The following FMO1 variants were observed in gnomAD, a reference collection of about 807,000 sequenced individuals.
The protein encoded by FMO1 is flavin-containing monooxygenase 1.
A neutral mutation model predicts 45.4 loss-of-function variants in FMO1; 36 were observed. The observed-to-expected ratio is 0.79, with a 90% CI of 0.61 to 1.05. The LOEUF (loss-of-function observed/expected upper bound fraction) is 1.05, where lower values mean the gene tolerates loss of function less well. Ranked by LOEUF, FMO1 falls within the 50% of genes least tolerant of loss-of-function variation. FMO1 has a pLI of 0.00. For missense variants in FMO1, 615 were observed against 640.3 expected (o/e 0.96, Z 0.43); for synonymous variants, 228 against 227.2 (o/e 1.00, Z -0.03).
At chr1:171,275,536 A>G (rs751880087) in intron 4 of FMO1, 28 bp downstream of exon 4, 3 of 1,566,834 alleles carry the variant, frequency 1.9e-6, no homozygotes, top group Non-Finnish European at 2.6e-6. Context: ...ACTAACTTTA[A>G]GTTTTCTCGT....
intron 5 of FMO1, among the ~76,000 whole-genome samples, chr1:171,280,425 T>C (rs1661302274): frequency 1.3e-5 from 2 of 152,220 alleles, no homozygotes. Context: ...ACAACTCTGA[T>C]ACTGCCATTC....
chr1:171,285,635 C>A lies in FMO1; in HGVS notation c.*91C>A. On this transcript the variant is annotated 3_prime_UTR_variant, in exon 9 of 9. Transcript: ENST00000617670. ...GCAATATTGCCTTCACAGTTATAAA[C>A]TGTATTCAAATAGTAAAGGCCACCC... is the stretch of plus-strand genomic sequence containing the variant. 1.3e-6 allele frequency: 1 copy of A among 793,684 alleles called. No individual in the cohort carries two copies. The allele number at this position is 793,684 out of a possible 1,614,324, so 49.2% of individuals were successfully genotyped here. A position where few individuals can be genotyped will look rare whatever the true frequency, so the allele number is the denominator to read the frequency against.
chr1:171,249,311 A>G (rs1659773278), intron 1 of FMO1, among the ~76,000 whole-genome samples: 4 of 152,136 alleles, frequency 2.6e-5, no homozygotes, highest in Admixed American at 1.3e-4. Flanking sequence ...GCAGATGGAG[A>G]AACTGAGTCC....
At chr1:171,285,088 C>A in intron 8 of FMO1, 114 bp from the exon 9 acceptor site, 2 of 664,396 alleles carry the variant, frequency 3.0e-6, no homozygotes, top group South Asian at 2.2e-5. Context: ...GGGGAAAATG[C>A]AGAAACCATC....
intron 1 of FMO1, among the ~76,000 whole-genome samples, chr1:171,256,489 A>T (rs1395916810): frequency 1.3e-5 from 2 of 152,058 alleles, no homozygotes; most frequent in Non-Finnish European, 2.9e-5. Context: ...GAGAGGGGAA[A>T]ATTATACAAG....
chr1:171,271,014 T>C, intron 3 of FMO1: 1 of 985,118 alleles, frequency 1.0e-6, no homozygotes, highest in Non-Finnish European at 1.6e-6. Context: ...CTTCTTCATC[T>C]TCCTCATCTT....
chr1:171,261,871 C>T (rs1473271004), intron 2 of FMO1, among the ~76,000 whole-genome samples: 1 of 152,106 alleles, frequency 6.6e-6, no homozygotes, highest in African/African-American at 2.4e-5. Context: ...AAAGAAAGAA[C>T]ATCATACACT....
intron 2 of FMO1, among the ~76,000 whole-genome samples, chr1:171,259,438 C>A (rs28384861): frequency 0.019 from 2,881 of 152,274 alleles, 97 homozygotes; most frequent in African/African-American, 0.066. Flanking sequence ...TGGCAGAAAC[C>A]TGACACCTAG....
chr1:171,271,519 G>T, intron 3 of FMO1: 1 of 877,376 alleles, frequency 1.1e-6, no homozygotes, highest in African/African-American at 1.6e-5. Context: ...TGCTCTTCCC[G>T]ACAAGTTTGC....
At chr1:171,256,761 C>CA (rs1008049213) in intron 1 of FMO1, among the ~76,000 whole-genome samples, 5 of 151,704 alleles carry the variant, frequency 3.3e-5, no homozygotes, top group East Asian at 1.9e-4. Flanking sequence ...TAATCCAAAA[C>CA]AAAAAAAGAT....
At chr1:171,266,566 T>G (rs942686053) in intron 2 of FMO1, among the ~76,000 whole-genome samples, 1 of 152,242 alleles carries the variant, frequency 6.6e-6, no homozygotes, top group Non-Finnish European at 1.5e-5. Context: ...GTTTATAATT[T>G]TGTTATCTGT....
rs139810905 is a variant in FMO1 at position 171,267,566 on chromosome 1, C to T, written c.156C>T (p.Ala52=). ...AGGAACATGTTGAAGAAGGCAGAGC[C>T]AGTCTCTACAAGTCTGTGGTTTCCA... The part of the protein sequence containing the change: ...RFTEHVEEGR[A]SLYKSVVSNS... The change falls in exon 3 of 9, where the codon GCC becomes GCT. Residue 52 remains alanine, a synonymous_variant. Coordinates refer to ENST00000617670, the MANE Select transcript of FMO1 (RefSeq NM_001282693.2). 248 of 1,609,192 alleles carry T rather than the reference C, an allele frequency of 1.5e-4. No homozygotes were observed. Among genetic ancestry groups the T allele is most frequent in the Non-Finnish European group, 1.8e-4 (212 of 1,178,004 alleles).
intron 1 of FMO1, among the ~76,000 whole-genome samples, chr1:171,250,343 C>G (rs1659829363): frequency 6.6e-6 from 1 of 152,192 alleles, no homozygotes; most frequent in Non-Finnish European, 1.5e-5. Context: ...GGAACACAGT[C>G]TTTTACAATA....
rs895882606 is a variant in FMO1 at position 171,268,170 on chromosome 1, T to C, written c.321+439T>C. Among the ~76,000 whole-genome samples, 10 of 152,338 alleles carry C rather than the reference T, an allele frequency of 6.6e-5. No individual in the cohort carries two copies. In the South Asian group the frequency reaches 1.0e-3, roughly 16 times the overall value. On this transcript the variant is annotated intron_variant, in intron 3 of 8. Coordinates refer to ENST00000617670, the MANE Select transcript of FMO1 (RefSeq NM_001282693.2). ...GGCATGATCATGGCTCACTGCAGCC[T>C]GGACTTCCTAAGCTCAGGTGATTCT...
chr1:171,259,619 G>A (rs1402817137), intron 2 of FMO1, among the ~76,000 whole-genome samples: 1 of 152,176 alleles, frequency 6.6e-6, no homozygotes. Flanking sequence ...AATTAGCCGA[G>A]TTATTTGACT....
At chr1:171,272,147 G>A (rs1475307273) in intron 3 of FMO1, among the ~76,000 whole-genome samples, 1 of 152,228 alleles carries the variant, frequency 6.6e-6, no homozygotes, top group East Asian at 1.9e-4. Context: ...GGCTAAAAGG[G>A]GCCAACATAG....
chr1:171,268,933 T>A (rs1355350384), intron 3 of FMO1, among the ~76,000 whole-genome samples: 2 of 152,246 alleles, frequency 1.3e-5, no homozygotes, highest in African/African-American at 4.8e-5. Flanking sequence ...GCTGTTCTCC[T>A]GATAGTGAAT....
At chr1:171,267,798 C>A (rs1413296952) in intron 3 of FMO1, 67 bp downstream of exon 3, 2 of 1,268,508 alleles carry the variant, frequency 1.6e-6, no homozygotes, top group African/African-American at 1.5e-5. Flanking sequence ...ATCTCTCCAG[C>A]CTAGCCCTGG....
intron 1 of FMO1, among the ~76,000 whole-genome samples, chr1:171,250,552 AT>A (rs1659839145): frequency 6.6e-6 from 1 of 152,170 alleles, no homozygotes; most frequent in Non-Finnish European, 1.5e-5. Flanking sequence ...ACTTCAGTAA[AT>A]TATATATTTG....
Sources: gnomAD v4.1 joint callset for allele counts (sites outside exome capture counted in the v4.1 genomes callset) on GRCh38, gnomAD v4.1.1 for gene constraint, MANE v1.5 for transcripts, NCBI Gene and HGNC (gene_info 2026-07-23, HGNC 2026-07-21) for gene names.